ARHGAP24: variants seen among roughly 807,000 people sequenced by gnomAD.
The protein encoded by ARHGAP24 is rho GTPase-activating protein 24.
A neutral mutation model predicts 76.4 loss-of-function variants in ARHGAP24; 50 were observed. The observed-to-expected ratio is 0.65, with a 90% confidence interval of 0.52 to 0.83. ARHGAP24 has a LOEUF of 0.83. ARHGAP24 is among the 40% of genes least tolerant of loss of function. The pLI, the probability that ARHGAP24 is intolerant of heterozygous loss-of-function variation, is 0.00. For missense variants in ARHGAP24, 930 were observed against 914.2 expected, an observed-to-expected ratio of 1.02 and a Z score of -0.22; for synonymous variants, 345 against 323.3, an observed-to-expected ratio of 1.07 and a Z score of -0.72.
intron 3 of ARHGAP24, among the ~76,000 whole-genome samples, chr4:85,890,275 GT>G (rs1465937791): frequency 6.6e-6 from 1 of 152,070 alleles, no homozygotes; most frequent in Non-Finnish European, 1.5e-5. Context: ...CTGACTTTCT[GT>G]TCACTCTTCT....
intron 2 of ARHGAP24, among the ~76,000 whole-genome samples, chr4:85,626,887 A>G (rs1578090044): frequency 6.6e-6 from 1 of 151,928 alleles, no homozygotes; most frequent in Non-Finnish European, 1.5e-5. Context: ...AGGCTTCTGC[A>G]TTTGTCATGT....
Position 85,624,400 on chromosome 4 carries a change from G to T in ARHGAP24, c.180+53679G>T, listed in dbSNP as rs191797698. ...TGCTGGATTACATTTATTGATTTGT[G>T]TATGTTGAACCAGCCTTGCATCCCA... On this transcript the variant is annotated intron_variant, in intron 2 of 9. Coordinates refer to ENST00000395184, the MANE Select transcript of ARHGAP24 (RefSeq NM_001025616.3). Among the ~76,000 whole-genome samples the T allele has an allele frequency of 3.2e-4, 48 of 152,272 alleles. No homozygotes were observed. The East Asian group carries it at 9.1e-3, about 29-fold the overall frequency.
chr4:85,948,120 A>T (rs770873973), intron 5 of ARHGAP24, among the ~76,000 whole-genome samples: 4 of 152,158 alleles, frequency 2.6e-5, no homozygotes, highest in Non-Finnish European at 4.4e-5. Context: ...ATTCTATTAC[A>T]TCTCTTATTC....
intron 2 of ARHGAP24, among the ~76,000 whole-genome samples, chr4:85,689,530 G>T (rs1723552784): frequency 6.6e-6 from 1 of 152,006 alleles, no homozygotes; most frequent in Non-Finnish European, 1.5e-5. Flanking sequence ...GGGAATATAG[G>T]CGCACACCAC....
chr4:85,758,419 A>G (rs1726604468), intron 3 of ARHGAP24, among the ~76,000 whole-genome samples: 1 of 152,182 alleles, frequency 6.6e-6, no homozygotes, highest in Non-Finnish European at 1.5e-5. Context: ...GGTGACTTGT[A>G]GACAATAGAT....
intron 2 of ARHGAP24, among the ~76,000 whole-genome samples, chr4:85,646,808 T>C (rs1372975044): frequency 1.3e-5 from 2 of 152,262 alleles, no homozygotes; most frequent in South Asian, 4.1e-4. Flanking sequence ...GTGCTTGCTA[T>C]ATTTTTGAAA....
intron 3 of ARHGAP24, among the ~76,000 whole-genome samples, chr4:85,855,194 G>C (rs1731483517): frequency 1.3e-5 from 2 of 152,178 alleles, no homozygotes; most frequent in African/African-American, 4.8e-5. Flanking sequence ...AATATGCTTA[G>C]ACACTGTGTG....
intron 1 of ARHGAP24, among the ~76,000 whole-genome samples, chr4:85,502,057 C>A (rs1723841059): frequency 6.6e-6 from 1 of 151,950 alleles, no homozygotes; most frequent in Non-Finnish European, 1.5e-5. Context: ...ATTTATGAGG[C>A]CTCTGTTCTG....
intron 5 of ARHGAP24, 103 bp downstream of exon 5, chr4:85,942,376 G>C: frequency 3.0e-6 from 4 of 1,323,242 alleles, no homozygotes; most frequent in East Asian, 2.3e-5. Flanking sequence ...TGTGGTAACA[G>C]TTTACAACAT....
chr4:85,558,820 A>T (rs1578034665), intron 1 of ARHGAP24, among the ~76,000 whole-genome samples: 1 of 152,258 alleles, frequency 6.6e-6, no homozygotes. Flanking sequence ...TGGAGAGTTC[A>T]TTGTAGACAA....
At chr4:85,615,630 T>C (rs1336954901) in intron 2 of ARHGAP24, among the ~76,000 whole-genome samples, 1 of 152,126 alleles carries the variant, frequency 6.6e-6, no homozygotes, top group Non-Finnish European at 1.5e-5. Context: ...AAGAAAAATA[T>C]TAATTGAGAA....
chr4:85,988,228 A>G (rs772991953), intron 8 of ARHGAP24, among the ~76,000 whole-genome samples: 19 of 152,026 alleles, frequency 1.2e-4, no homozygotes, highest in Admixed American at 2.6e-4. Context: ...ACATGTGCAC[A>G]CAGATGAATG....
At chr4:85,588,727 GTAAT>G (rs1283231978) in intron 2 of ARHGAP24, among the ~76,000 whole-genome samples, 2 of 152,136 alleles carry the variant, frequency 1.3e-5, no homozygotes, top group Non-Finnish European at 2.9e-5. Flanking sequence ...TTTTAAATAA[GTAAT>G]TAAGAGTTTA....
intron 2 of ARHGAP24, among the ~76,000 whole-genome samples, chr4:85,591,246 G>A (rs1301896730): frequency 2.6e-5 from 4 of 151,674 alleles, no homozygotes; most frequent in Non-Finnish European, 4.4e-5. Flanking sequence ...AGGCTTCACC[G>A]CTTTGGCCAG....
intron 1 of ARHGAP24, among the ~76,000 whole-genome samples, chr4:85,509,181 T>G (rs1724178308): frequency 8.4e-6 from 1 of 119,708 alleles, no homozygotes; most frequent in East Asian, 2.6e-4. Flanking sequence ...AACATCACAC[T>G]CTGGGGACTG....
chr4:85,911,591 G>T (rs1378621981), intron 3 of ARHGAP24, among the ~76,000 whole-genome samples: 1 of 152,148 alleles, frequency 6.6e-6, no homozygotes, highest in Non-Finnish European at 1.5e-5. Context: ...AAGACATTGT[G>T]CCTTATTTTG....
chr4:85,627,795 C>T (rs917235257), intron 2 of ARHGAP24, among the ~76,000 whole-genome samples: 84 of 152,336 alleles, frequency 5.5e-4, no homozygotes, highest in African/African-American at 1.9e-3. Flanking sequence ...CTTTCCCCAG[C>T]CTGGCTGCCG....
intron 8 of ARHGAP24, among the ~76,000 whole-genome samples, chr4:85,993,451 A>G (rs1042786654): frequency 3.3e-5 from 5 of 152,188 alleles, no homozygotes; most frequent in Non-Finnish European, 5.9e-5. Context: ...AATCATCACA[A>G]GAAAAGTGTG....
chr4:85,937,796 T>C (rs1035653940), intron 4 of ARHGAP24, among the ~76,000 whole-genome samples: 4 of 152,178 alleles, frequency 2.6e-5, no homozygotes, highest in African/African-American at 9.7e-5. Context: ...CATTTTATTG[T>C]TTTAACTGGG....
Sources: gnomAD v4.1 joint callset for allele counts (sites outside exome capture counted in the v4.1 genomes callset) on GRCh38, gnomAD v4.1.1 for gene constraint, MANE v1.5 for transcripts, NCBI Gene and HGNC (gene_info 2026-07-23, HGNC 2026-07-21) for gene names.